TANC2: variants seen among roughly 807,000 people sequenced by gnomAD.
The protein encoded by TANC2 is protein TANC2.
TANC2 carries 26 observed loss-of-function variants against 210.5 expected under a neutral mutation model. The ratio of observed to expected loss-of-function variants is 0.12; its 90% CI spans 0.09 to 0.17. The LOEUF is 0.17. Among genes scored for constraint, TANC2 ranks in the 10% least tolerant of loss-of-function variants. The pLI is 1.00. For synonymous variants in TANC2, 931 were observed against 967.1 expected (o/e 0.96, Z 0.69); for missense variants, 2,129 against 2,608.9 (o/e 0.82, Z 4.01).
At chr17:63,135,228 A>G (rs184678992) in intron 4 of TANC2, among the ~76,000 whole-genome samples, 15 of 152,324 alleles carry the variant, frequency 9.8e-5, no homozygotes, top group African/African-American at 3.6e-4. Flanking sequence ...TAAAAAGCAA[A>G]AAACCCCACA....
At chr17:63,235,481 A>C (rs1211431309) in intron 7 of TANC2, among the ~76,000 whole-genome samples, 2 of 152,006 alleles carry the variant, frequency 1.3e-5, no homozygotes, top group Non-Finnish European at 2.9e-5. Context: ...TCTCTCTTTT[A>C]ATTCTTAAGT....
At chr17:63,341,963 CT>C (rs2046242686) in intron 12 of TANC2, among the ~76,000 whole-genome samples, 1 of 152,170 alleles carries the variant, frequency 6.6e-6, no homozygotes, top group Admixed American at 6.5e-5. Flanking sequence ...TCCTCAAATA[CT>C]TCCCTAGATT....
At chr17:63,323,941 G>A (rs1350756634) in intron 11 of TANC2, among the ~76,000 whole-genome samples, 2 of 152,142 alleles carry the variant, frequency 1.3e-5, no homozygotes, top group African/African-American at 4.8e-5. Context: ...TTAAACTGAG[G>A]CAGGCAAAGT....
intron 2 of TANC2, among the ~76,000 whole-genome samples, chr17:63,055,971 A>G (rs2035763355): frequency 1.9e-5 from 1 of 53,908 alleles, no homozygotes; most frequent in Admixed American, 2.7e-4. Context: ...CTACCAAAAA[A>G]AAAAAAAAAA....
At chr17:63,376,162 G>T (rs1042044217) in intron 14 of TANC2, among the ~76,000 whole-genome samples, 1 of 151,318 alleles carries the variant, frequency 6.6e-6, no homozygotes, top group Non-Finnish European at 1.5e-5. Context: ...GGCCGGGTGC[G>T]GTGGCTCACA....
chr17:63,312,533 A>T (rs970326080), intron 9 of TANC2, among the ~76,000 whole-genome samples: 1 of 152,262 alleles, frequency 6.6e-6, no homozygotes, highest in African/African-American at 2.4e-5. Flanking sequence ...CTCATGGCTC[A>T]TTGACGTAAA....
chr17:63,288,769 C>T (rs2044298814), intron 9 of TANC2, among the ~76,000 whole-genome samples: 2 of 152,136 alleles, frequency 1.3e-5, no homozygotes, highest in Admixed American at 6.5e-5. Context: ...ATCTTACCTT[C>T]ACTTATTCCT....
At chr17:63,382,325 C>T (rs1364212986) in intron 15 of TANC2, among the ~76,000 whole-genome samples, 1 of 152,176 alleles carries the variant, frequency 6.6e-6, no homozygotes, top group East Asian at 1.9e-4. Flanking sequence ...TTTCCTCTAG[C>T]TCTTAATAAA....
intron 12 of TANC2, among the ~76,000 whole-genome samples, chr17:63,349,916 A>G (rs750747421): frequency 6.6e-6 from 1 of 152,192 alleles, no homozygotes; most frequent in Non-Finnish European, 1.5e-5. Context: ...GTCATCTAGA[A>G]TACCACTCCA....
chr17:63,299,951 A>C (rs1008338990), intron 9 of TANC2, among the ~76,000 whole-genome samples: 1 of 152,044 alleles, frequency 6.6e-6, no homozygotes, highest in African/African-American at 2.4e-5. Flanking sequence ...TCTTGAGTTA[A>C]TTTTTGTATA....
At chr17:63,393,875 AT>A (rs753953753) in intron 17 of TANC2, among the ~76,000 whole-genome samples, 6 of 151,674 alleles carry the variant, frequency 4.0e-5, no homozygotes, top group Non-Finnish European at 8.8e-5. Context: ...GGTTCAAGTG[AT>A]TCTCCTGCCT....
intron 1 of TANC2, among the ~76,000 whole-genome samples, chr17:63,001,245 A>C (rs943028818): frequency 6.6e-6 from 1 of 152,196 alleles, no homozygotes; most frequent in Non-Finnish European, 1.5e-5. Context: ...TTTCCCTCAG[A>C]TAAAATTTTG....
At chr17:63,206,070 T>C (rs2041701060) in intron 7 of TANC2, among the ~76,000 whole-genome samples, 1 of 152,118 alleles carries the variant, frequency 6.6e-6, no homozygotes, top group Non-Finnish European at 1.5e-5. Context: ...AGAGAAGATA[T>C]ACAAATGGCC....
intron 7 of TANC2, among the ~76,000 whole-genome samples, chr17:63,210,651 G>T (rs2041858301): frequency 6.6e-6 from 1 of 152,088 alleles, no homozygotes; most frequent in Non-Finnish European, 1.5e-5. Context: ...ATAACATAGA[G>T]CAACACAATG....
At chr17:63,329,005 A>C (rs1225094854) in intron 11 of TANC2, among the ~76,000 whole-genome samples, 1 of 152,156 alleles carries the variant, frequency 6.6e-6, no homozygotes, top group Non-Finnish European at 1.5e-5. Context: ...CTTCTCCAAC[A>C]TATGACTGGC....
intron 25 of TANC2, among the ~76,000 whole-genome samples, chr17:63,414,525 A>G (rs1187140618): frequency 1.3e-5 from 2 of 152,152 alleles, no homozygotes; most frequent in East Asian, 3.8e-4. Flanking sequence ...TGTCATATTT[A>G]TGGACTTCAC....
At chr17:63,399,597 A>G (rs900312734) in intron 19 of TANC2, among the ~76,000 whole-genome samples, 1 of 152,212 alleles carries the variant, frequency 6.6e-6, no homozygotes, top group Non-Finnish European at 1.5e-5. Context: ...GTAACCTTGG[A>G]TGTGTTTTTA....
At chr17:63,317,546 G>A (rs1371053761) in intron 10 of TANC2, among the ~76,000 whole-genome samples, 1 of 152,164 alleles carries the variant, frequency 6.6e-6, no homozygotes, top group African/African-American at 2.4e-5. Flanking sequence ...GGTATTCTCA[G>A]TATAGTAGTT....
At chr17:62,985,086 A>G (rs931589182) in intron 1 of TANC2, among the ~76,000 whole-genome samples, 6 of 152,180 alleles carry the variant, frequency 3.9e-5, no homozygotes, top group Non-Finnish European at 8.8e-5. Flanking sequence ...ATAAATTCCC[A>G]TAGTTTTGGC....
Sources: allele counts gnomAD v4.1 joint callset (sites outside exome capture counted in the v4.1 genomes callset), GRCh38; gene constraint gnomAD v4.1.1; transcripts MANE v1.5; gene names NCBI Gene and HGNC (gene_info 2026-07-23, HGNC 2026-07-21).